LRRC9: variants seen among roughly 807,000 people sequenced by gnomAD.
LRRC9 encodes the protein leucine rich repeat containing 9.
Under a neutral mutation model 63.2 loss-of-function variants are expected in LRRC9, and 122 were observed. The ratio of observed to expected loss-of-function variants is 1.93; its 90% CI spans 1.67 to 2.24. The LOEUF (loss-of-function observed/expected upper bound fraction) is 2.24, where lower values mean the gene tolerates loss of function less well. Among genes scored for constraint, LRRC9 ranks in the 30% most tolerant of loss-of-function variants. LRRC9 has a pLI of 0.00. For synonymous variants in LRRC9, 366 were observed against 213.1 expected (o/e 1.72, Z -6.25); for missense variants, 1,071 against 627.7 (o/e 1.71, Z -7.55).
chr14:60,059,865 G>C (rs1482845251), intron 31 of LRRC9, among the ~76,000 whole-genome samples: 1 of 152,190 alleles, frequency 6.6e-6, no homozygotes, highest in African/African-American at 2.4e-5. Context: ...ATCTAGCTAG[G>C]ATCATTGATG....
chr14:59,951,801 T>C (rs547255001), intron 8 of LRRC9, among the ~76,000 whole-genome samples: 1 of 152,304 alleles, frequency 6.6e-6, no homozygotes, highest in South Asian at 2.1e-4. Flanking sequence ...GGCCTCCCAG[T>C]TAGGCTGCTC....
At chr14:59,997,236 G>A (rs1004052513) in intron 17 of LRRC9, among the ~76,000 whole-genome samples, 1 of 151,944 alleles carries the variant, frequency 6.6e-6, no homozygotes, top group African/African-American at 2.4e-5. Flanking sequence ...TTTTTAAAAA[G>A]AAAATTATTA....
At chr14:59,943,135 AT>A (rs1352941355) in intron 7 of LRRC9, among the ~76,000 whole-genome samples, 1 of 151,828 alleles carries the variant, frequency 6.6e-6, no homozygotes, top group African/African-American at 2.4e-5. Context: ...CACTCTGTTG[AT>A]TGTTTCCTTT....
At chr14:60,046,309 C>T (rs1893421001) in intron 29 of LRRC9, among the ~76,000 whole-genome samples, 1 of 152,168 alleles carries the variant, frequency 6.6e-6, no homozygotes, top group South Asian at 2.1e-4. Context: ...GCTTTTGTTG[C>T]AATTGCTTTT....
rs752923661 is a variant in LRRC9, at chr14:60,058,057, T to C, written c.4276+35T>C. On this transcript the variant is annotated intron_variant, in intron 31 of 31. Coordinates refer to ENST00000445360, the Ensembl canonical transcript of LRRC9. The surrounding 1 kb of genome is among the most constrained non-coding windows in gnomAD (Gnocchi z 4.4). ...CAATTTCAGATAGAATGTAAAAGAA[T>C]CACTTAATTTGAAATAAAAATATCA... is the stretch of plus-strand genomic sequence containing the variant. 5.7e-6 allele frequency: 3 copies of C among 524,410 alleles called. No individual in the cohort carries two copies. The highest frequency in any genetic ancestry group is 5.9e-5 in the South Asian group (2 of 33,874). The allele number at this position is 524,410 out of a possible 1,614,324, so 32.5% of individuals were successfully genotyped here. A position where few individuals can be genotyped will look rare whatever the true frequency, so the allele number is the denominator to read the frequency against.
intron 24 of LRRC9, among the ~76,000 whole-genome samples, chr14:60,018,124 A>G (rs1890837281): frequency 6.6e-6 from 1 of 152,008 alleles, no homozygotes. Flanking sequence ...CTATGTTTAT[A>G]TGGTAATAGA....
In LRRC9 at chr14:59,923,006, G is replaced by T. The variant is rs1164502310; in HGVS notation, c.-34+3123G>T. On this transcript the variant is annotated intron_variant, in intron 1 of 31. Coordinates refer to ENST00000445360, the Ensembl canonical transcript of LRRC9. The surrounding 1 kb of genome is among the most constrained non-coding windows in gnomAD (Gnocchi z 4.2). ...CTATAGAAGTTCCTGGTGGCTTCTG[G>T]TTTTGTGGGGGAACTAGAGATGACC... Among the ~76,000 whole-genome samples, 1 of 152,166 alleles carries T rather than the reference G, an allele frequency of 6.6e-6. No homozygotes were observed. Among genetic ancestry groups the T allele is most frequent in the African/African-American group, 2.4e-5 (1 of 41,446 alleles).
intron 29 of LRRC9, among the ~76,000 whole-genome samples, chr14:60,049,717 C>T (rs565314022): frequency 4.6e-5 from 7 of 152,118 alleles, no homozygotes; most frequent in Non-Finnish European, 1.0e-4. Context: ...GAGAATCTGA[C>T]GATTATGTAT....
At chr14:59,993,543 T>A (rs1566855540) in intron 17 of LRRC9, among the ~76,000 whole-genome samples, 1 of 152,102 alleles carries the variant, frequency 6.6e-6, no homozygotes, top group Non-Finnish European at 1.5e-5. Context: ...TCAAGACCCA[T>A]CAGTGTGCTG....
At position 59,964,414 on chromosome 14, in the gene LRRC9, C is replaced by G. The variant is rs1255632764; in HGVS notation, c.1212-2175C>G. Among the ~76,000 whole-genome samples, 1 of 152,164 alleles carries G rather than the reference C, an allele frequency of 6.6e-6. No homozygotes were observed. The highest frequency in any genetic ancestry group is 1.5e-5 in the Non-Finnish European group (1 of 68,030). On this transcript the variant is annotated intron_variant, in intron 10 of 31. Coordinates refer to ENST00000445360, the Ensembl canonical transcript of LRRC9. The surrounding 1 kb of genome is among the most constrained non-coding windows in gnomAD (Gnocchi z 4.4). The stretch of plus-strand genomic sequence containing the variant: ...CCTTCACCCAGAATGCTTTTGCATA[C>G]CTCACACTTACTTCATCATTGCTCA...
intron 17 of LRRC9, among the ~76,000 whole-genome samples, chr14:59,997,452 T>C (rs770039440): frequency 3.3e-5 from 5 of 152,122 alleles, no homozygotes; most frequent in Non-Finnish European, 7.4e-5. Context: ...AAATATGAAT[T>C]GAAAGAGAAT....
chr14:59,944,703 CCAG>C (rs1180760193), exon 8 of LRRC9: 4 of 668,076 alleles, frequency 6.0e-6, no homozygotes, highest in African/African-American at 1.8e-5. Context: ...ACAAAAGTTG[CCAG>C]AAGAACGAGT....
rs219354 is a variant in LRRC9 at position 59,990,810 on chromosome 14, G to A, written c.2211+5586G>A. 0.75 allele frequency among the ~76,000 whole-genome samples: 113,857 copies of A among 152,100 alleles called. 44,761 individuals carry two copies. Among genetic ancestry groups the A allele is most frequent in the Non-Finnish European group, 0.87 (59,058 of 68,010 alleles). ...CTGTAAATTGGTCTCCACACATTCC[G>A]GTGAATATTTGTTGACTGTTCTGGG... On this transcript the variant is annotated intron_variant, in intron 17 of 31. Coordinates refer to ENST00000445360, the Ensembl canonical transcript of LRRC9. The surrounding 1 kb of genome is among the most constrained non-coding windows in gnomAD (Gnocchi z 4.2).
At chr14:60,013,825 A>G (rs1206798788) in intron 23 of LRRC9, among the ~76,000 whole-genome samples, 1 of 152,136 alleles carries the variant, frequency 6.6e-6, no homozygotes, top group Non-Finnish European at 1.5e-5. Context: ...CTTGTTGACA[A>G]CATACAGTTG....
At chr14:59,963,879 T>C (rs1388398674) in intron 10 of LRRC9, among the ~76,000 whole-genome samples, 1 of 152,232 alleles carries the variant, frequency 6.6e-6, no homozygotes, top group East Asian at 1.9e-4. Flanking sequence ...TTATAAAGTA[T>C]ATTTTAATAG....
At chr14:60,045,437 CCT>C (rs1482405013) in intron 29 of LRRC9, among the ~76,000 whole-genome samples, 3 of 152,108 alleles carry the variant, frequency 2.0e-5, no homozygotes, top group Non-Finnish European at 2.9e-5. Flanking sequence ...GACTCCCACC[CCT>C]GACTGGCCCC....
chr14:60,028,592 C>G (rs143040366), intron 28 of LRRC9, among the ~76,000 whole-genome samples: 1 of 152,124 alleles, frequency 6.6e-6, no homozygotes, highest in African/African-American at 2.4e-5. Flanking sequence ...TAGAATTTAA[C>G]CTGTTACTTT....
chr14:59,944,439 AT>A (rs1383917789), intron 7 of LRRC9, 149 bp from the exon 8 acceptor site: 1 of 389,526 alleles, frequency 2.6e-6, no homozygotes, highest in East Asian at 3.7e-5. Flanking sequence ...CTGTGTAGCC[AT>A]TGTCACTCCA....
At chr14:60,036,008 G>A (rs950259487) in intron 29 of LRRC9, among the ~76,000 whole-genome samples, 1 of 152,092 alleles carries the variant, frequency 6.6e-6, no homozygotes, top group African/African-American at 2.4e-5. Flanking sequence ...AGTTCCTGGT[G>A]AGGACCATCT....
Sources: gnomAD v4.1 joint callset for allele counts (sites outside exome capture counted in the v4.1 genomes callset) on GRCh38, gnomAD v4.1.1 for gene constraint, Gnocchi (gnomAD v3.1) non-coding constraint, MANE v1.5 for transcripts, NCBI Gene and HGNC (gene_info 2026-07-23, HGNC 2026-07-21) for gene names.